PLEKHM3: variants seen among roughly 807,000 people sequenced by gnomAD.
PLEKHM3 encodes pleckstrin homology domain-containing family M member 3.
In PLEKHM3, 45 loss-of-function variants were observed where a neutral mutation model predicts 81.8. The ratio of observed to expected loss-of-function variants is 0.55; its 90% CI spans 0.43 to 0.71. PLEKHM3 has a LOEUF of 0.71. PLEKHM3 is among the 30% of genes least tolerant of loss of function. The pLI is 0.00. For synonymous variants in PLEKHM3, 352 were observed against 356.4 expected (o/e 0.99, Z 0.14); for missense variants, 788 against 924.3 (o/e 0.85, Z 1.91).
intron 4 of PLEKHM3, among the ~76,000 whole-genome samples, chr2:207,942,866 C>T (rs1481018560): frequency 6.6e-6 from 1 of 152,122 alleles, no homozygotes; most frequent in Non-Finnish European, 1.5e-5. Flanking sequence ...CACCACTGAA[C>T]TCCAACCTGG....
chr2:207,917,713 T>C (rs1689041202), intron 5 of PLEKHM3, among the ~76,000 whole-genome samples: 1 of 152,096 alleles, frequency 6.6e-6, no homozygotes, highest in Non-Finnish European at 1.5e-5. Flanking sequence ...GTGGGCATGA[T>C]GGCATGCAGC....
intron 1 of PLEKHM3, among the ~76,000 whole-genome samples, chr2:208,014,984 T>G (rs149832718): frequency 8.3e-4 from 127 of 152,374 alleles, no homozygotes; most frequent in Middle Eastern, 3.4e-3. Flanking sequence ...ATGATATATT[T>G]GATAAAATGT....
At chr2:208,016,991 G>A (rs367785346) in intron 1 of PLEKHM3, among the ~76,000 whole-genome samples, 1 of 152,160 alleles carries the variant, frequency 6.6e-6, no homozygotes, top group African/African-American at 2.4e-5. Context: ...ACATCCTCCT[G>A]TAAGTCATCT....
intron 5 of PLEKHM3, among the ~76,000 whole-genome samples, chr2:207,923,228 T>C (rs528748822): frequency 1.2e-4 from 19 of 152,040 alleles, no homozygotes; most frequent in Non-Finnish European, 1.6e-4. Context: ...CATTTTACAG[T>C]AGTACATATG....
At chr2:207,935,185 A>G (rs1340756611) in intron 4 of PLEKHM3, among the ~76,000 whole-genome samples, 2 of 152,250 alleles carry the variant, frequency 1.3e-5, no homozygotes, top group African/African-American at 2.4e-5. Context: ...TTAAGGTCCA[A>G]TAAGATGTAT....
chr2:207,934,420 A>G (rs1225562577), intron 4 of PLEKHM3, among the ~76,000 whole-genome samples: 1 of 152,232 alleles, frequency 6.6e-6, no homozygotes, highest in African/African-American at 2.4e-5. Context: ...TTGACCTATT[A>G]GTATTTTACC....
chr2:207,854,017 T>C (rs1426839383), intron 7 of PLEKHM3, among the ~76,000 whole-genome samples: 1 of 152,116 alleles, frequency 6.6e-6, no homozygotes, highest in Non-Finnish European at 1.5e-5. Context: ...GTGATCCAAG[T>C]GATCCTGCCT....
chr2:207,838,602 A>G (rs1013429742), intron 7 of PLEKHM3, among the ~76,000 whole-genome samples: 2 of 152,190 alleles, frequency 1.3e-5, no homozygotes, highest in Non-Finnish European at 2.9e-5. Flanking sequence ...TATTCTAAGT[A>G]TGTGTATAAA....
chr2:207,867,185 G>A (rs559149183), intron 6 of PLEKHM3, among the ~76,000 whole-genome samples: 10 of 152,248 alleles, frequency 6.6e-5, no homozygotes, highest in African/African-American at 1.9e-4. Context: ...ATTTTCAATC[G>A]TTCTGCTGTG....
chr2:207,861,413 G>A, intron 6 of PLEKHM3, 151 bp from the exon 7 acceptor site: 2 of 956,618 alleles, frequency 2.1e-6, no homozygotes, highest in South Asian at 3.7e-5. Flanking sequence ...AGACATAGTA[G>A]TTTTGCTCCA....
intron 6 of PLEKHM3, among the ~76,000 whole-genome samples, chr2:207,891,059 A>G (rs181781005): frequency 6.6e-5 from 10 of 152,334 alleles, no homozygotes; most frequent in Non-Finnish European, 1.3e-4. Context: ...CTTAAACTAA[A>G]AAAGATTAGT....
intron 6 of PLEKHM3, among the ~76,000 whole-genome samples, chr2:207,864,875 T>A (rs1395338016): frequency 5.3e-5 from 8 of 152,258 alleles, no homozygotes; most frequent in African/African-American, 1.9e-4. Flanking sequence ...TATTGCTTAA[T>A]ACAAATTTAT....
chr2:207,964,585 CA>C (rs1217184803), intron 3 of PLEKHM3, among the ~76,000 whole-genome samples: 8 of 151,290 alleles, frequency 5.3e-5, no homozygotes, highest in Non-Finnish European at 8.9e-5. Flanking sequence ...TAAAGTCTTG[CA>C]AAAAAAGTCT....
chr2:207,994,967 G>A (rs553735125), intron 2 of PLEKHM3, among the ~76,000 whole-genome samples: 3 of 152,180 alleles, frequency 2.0e-5, no homozygotes, highest in East Asian at 1.9e-4. Context: ...GGCCAAACAC[G>A]TGTATACCTA....
intron 6 of PLEKHM3, among the ~76,000 whole-genome samples, chr2:207,865,513 C>T (rs1400929613): frequency 6.6e-6 from 1 of 151,894 alleles, no homozygotes; most frequent in African/African-American, 2.4e-5. Context: ...TGCAGTGGCT[C>T]ATGCCTGTAA....
At chr2:207,897,578 G>T (rs1207694860) in intron 6 of PLEKHM3, among the ~76,000 whole-genome samples, 1 of 152,160 alleles carries the variant, frequency 6.6e-6, no homozygotes, top group East Asian at 1.9e-4. Context: ...TAATATTTCT[G>T]GGGTGAGTCG....
In PLEKHM3 at chr2:207,823,648, C is replaced by G. The variant is rs1191831379; in HGVS notation, c.*4671G>C. 1 of 151,888 alleles carries G rather than the reference C, an allele frequency of 6.6e-6. No individual in the cohort carries two copies. Among genetic ancestry groups the G allele is most frequent in the African/African-American group, 2.4e-5 (1 of 41,334 alleles). 9.4% of individuals were successfully genotyped at this position (151,888 alleles called of 1,614,324 possible). Reference sequence around the variant, plus strand: ...AGACCTGATTTCACCATTTTTGGCCCGGCTGGTCTCAAACTCCTGACCTCA... The same window carrying G: ...AGACCTGATTTCACCATTTTTGGCCGGGCTGGTCTCAAACTCCTGACCTCA... On this transcript the variant is annotated 3_prime_UTR_variant, in exon 8 of 8. Transcript: ENST00000427836.
At chr2:207,887,852 T>A (rs1687927752) in intron 6 of PLEKHM3, among the ~76,000 whole-genome samples, 1 of 152,162 alleles carries the variant, frequency 6.6e-6, no homozygotes, top group Admixed American at 6.5e-5. Flanking sequence ...TTGGTCAAGG[T>A]TAGGGCAGGA....
intron 4 of PLEKHM3, among the ~76,000 whole-genome samples, chr2:207,935,343 A>C (rs969481324): frequency 1.3e-5 from 2 of 152,210 alleles, no homozygotes; most frequent in Admixed American, 6.5e-5. Context: ...TGAGTGCTGC[A>C]CATGATGCAT....
Sources: allele counts gnomAD v4.1 joint callset (sites outside exome capture counted in the v4.1 genomes callset), GRCh38; gene constraint gnomAD v4.1.1; transcripts MANE v1.5; gene names NCBI Gene and HGNC (gene_info 2026-07-23, HGNC 2026-07-21).